ARHGEF7: variants seen among roughly 807,000 people sequenced by gnomAD.
ARHGEF7 encodes PAK-interacting exchange factor beta.
Under a neutral mutation model 109.8 loss-of-function variants are expected in ARHGEF7, and 33 were observed. The ratio of observed to expected loss-of-function variants is 0.30; its 90% CI spans 0.23 to 0.40. The LOEUF is 0.40. Ranked by LOEUF, ARHGEF7 falls within the 10% of genes least tolerant of loss-of-function variation. ARHGEF7 has a pLI of 1.00. For synonymous variants in ARHGEF7, 458 were observed against 424.6 expected, an observed-to-expected ratio of 1.08 and a Z score of -0.97; for missense variants, 938 against 1,098.5, an observed-to-expected ratio of 0.85 and a Z score of 2.07.
intron 2 of ARHGEF7, chr13:111,203,078 T>C: frequency 7.8e-7 from 1 of 1,281,980 alleles, no homozygotes. Context: ...CACATCCTGT[T>C]ATTCTGGGTT....
chr13:111,238,878 C>G (rs1367927243), intron 6 of ARHGEF7, among the ~76,000 whole-genome samples: 1 of 152,122 alleles, frequency 6.6e-6, no homozygotes, highest in Admixed American at 6.5e-5. Flanking sequence ...TTAGTCCGTT[C>G]TCACGCTGCT....
In ARHGEF7 at chr13:111,292,183, T is replaced by C; in HGVS notation, c.2200T>C (p.Ser734Pro). The change falls in exon 19 of 22, where the codon TCC (serine) becomes CCC (proline). Residue 734 changes from serine (S) to proline (P), a missense_variant. By Grantham distance (74) the Ser-to-Pro change is moderately conservative. Around this residue, in one of 4 missense-constraint regions of ARHGEF7, gnomAD observed 166 missense variants for 167.3 expected, o/e 0.99. Transcript: ENST00000646102. ...TGATGATGACCAACCAAGCCTAGAC[T>C]CCCTGGGGCGTCGCAGTAGCCTTTC... is the stretch of plus-strand genomic sequence containing the variant. Reference protein sequence around the residue: ...LADDDQPSLDSLGRRSSLSRL... With the variant: ...LADDDQPSLDPLGRRSSLSRL... 1 of 1,613,938 alleles carries C rather than the reference T, an allele frequency of 6.2e-7. No homozygotes were observed. Among genetic ancestry groups the C allele is most frequent in the South Asian group, 1.1e-5 (1 of 91,048 alleles).
intron 12 of ARHGEF7, among the ~76,000 whole-genome samples, chr13:111,276,681 C>T (rs1163056787): frequency 6.6e-6 from 1 of 152,154 alleles, no homozygotes; most frequent in Non-Finnish European, 1.5e-5. Context: ...TGAATGTTCC[C>T]AATGTATGTT....
chr13:111,147,573 A>G (rs1170937589), intron 1 of ARHGEF7, among the ~76,000 whole-genome samples: 1 of 151,760 alleles, frequency 6.6e-6, no homozygotes, highest in Non-Finnish European at 1.5e-5. Flanking sequence ...AGCTTCACCC[A>G]TGATCTCAGC....
At chr13:111,291,790 A>G (rs2093293855) in intron 18 of ARHGEF7, among the ~76,000 whole-genome samples, 2 of 152,244 alleles carry the variant, frequency 1.3e-5, no homozygotes, top group Admixed American at 1.3e-4. Flanking sequence ...TCTTTTGGAC[A>G]TGGGTGTGAT....
Position 111,209,882 on chromosome 13 carries a change from G to A in ARHGEF7, c.348G>A (p.Leu116=), listed in dbSNP as rs2082292131. ...GCATGCTCTTTGCAGACATCGGGCT[G>A]GGGAGTGACTCCGTGTGTGCCCGGC... ...TLNKVTADIG[L]GSDSVCARPS... The change falls in exon 4 of 22, where the codon CTG becomes CTA. Residue 116 remains leucine, a synonymous_variant. Coordinates refer to ENST00000646102, the MANE Select transcript of ARHGEF7 (RefSeq NM_001354046.2). The A allele has an allele frequency of 6.2e-7, 1 of 1,614,150 alleles. No individual in the cohort carries two copies. Among genetic ancestry groups the A allele is most frequent in the Non-Finnish European group, 8.5e-7 (1 of 1,180,024 alleles).
At chr13:111,115,716 C>T in intron 1 of ARHGEF7, 25 bp downstream of exon 1, 2 of 1,133,586 alleles carry the variant, frequency 1.8e-6, no homozygotes, top group Non-Finnish European at 2.2e-6. Flanking sequence ...GCGCCCCCGC[C>T]CGCGCCCCCC....
chr13:111,152,496 G>A (rs1294443631), intron 1 of ARHGEF7, among the ~76,000 whole-genome samples: 2 of 152,206 alleles, frequency 1.3e-5, no homozygotes, highest in African/African-American at 4.8e-5. Flanking sequence ...CTTGCTTGAA[G>A]GAATTTTTCA....
At chr13:111,170,876 A>G (rs2077538031) in intron 2 of ARHGEF7, among the ~76,000 whole-genome samples, 1 of 152,240 alleles carries the variant, frequency 6.6e-6, no homozygotes, top group East Asian at 1.9e-4. Context: ...CAGATAACAG[A>G]TAATCAGTCT....
At chr13:111,247,440 T>C (rs1382995606) in intron 8 of ARHGEF7, among the ~76,000 whole-genome samples, 1 of 152,076 alleles carries the variant, frequency 6.6e-6, no homozygotes, top group African/African-American at 2.4e-5. Flanking sequence ...AGCTAATTTT[T>C]ATGTATTTTT....
chr13:111,159,106 T>C (rs1251605757), intron 2 of ARHGEF7: 3 of 717,950 alleles, frequency 4.2e-6, no homozygotes, highest in Admixed American at 2.0e-5. Flanking sequence ...TCAGCTTTTT[T>C]ACACTTTACA....
intron 2 of ARHGEF7, among the ~76,000 whole-genome samples, chr13:111,164,603 C>T (rs1297691997): frequency 6.6e-6 from 1 of 152,234 alleles, no homozygotes; most frequent in Non-Finnish European, 1.5e-5. Flanking sequence ...AGTACTTGGT[C>T]TAGCCTGCTG....
At chr13:111,193,238 C>T (rs1010084273) in intron 2 of ARHGEF7, among the ~76,000 whole-genome samples, 3 of 152,312 alleles carry the variant, frequency 2.0e-5, no homozygotes, top group South Asian at 4.1e-4. Flanking sequence ...GTGAAAGTCC[C>T]CATTCTGTTT....
At chr13:111,185,766 A>G (rs867338905) in intron 2 of ARHGEF7, among the ~76,000 whole-genome samples, 8 of 151,826 alleles carry the variant, frequency 5.3e-5, no homozygotes, top group Non-Finnish European at 1.0e-4. Context: ...GTGTGTGTGT[A>G]CGTGGTGAGT....
chr13:111,168,461 C>T (rs1332792743), intron 2 of ARHGEF7, among the ~76,000 whole-genome samples: 1 of 152,142 alleles, frequency 6.6e-6, no homozygotes, highest in African/African-American at 2.4e-5. Context: ...ACTTTTCCTT[C>T]CATGTCTTTA....
At chr13:111,174,872 T>C (rs897622142) in intron 2 of ARHGEF7, among the ~76,000 whole-genome samples, 4 of 152,222 alleles carry the variant, frequency 2.6e-5, no homozygotes, top group African/African-American at 9.7e-5. Flanking sequence ...TAGAAGTTGC[T>C]GACAGTCCTC....
chr13:111,153,935 T>C lies in ARHGEF7; in HGVS notation c.196T>C (p.Cys66Arg), dbSNP rs1231025245. 1 of 1,605,350 alleles carries C rather than the reference T, an allele frequency of 6.2e-7. No individual in the cohort carries two copies. The highest frequency in any genetic ancestry group is 8.5e-7 in the Non-Finnish European group (1 of 1,177,270). The part of the protein sequence containing the change: ...VYPEPRSESE[C>R]LSNIREFLRG... ...CCCCGAGCCCCGGAGCGAGAGCGAG[T>C]GCCTGAGCAACATCCGCGAGTTCCT... The change falls in exon 2 of 22, where the codon TGC becomes CGC. Residue 66 changes from cysteine to arginine, a missense_variant. Cys to Arg is a radical substitution (Grantham distance 180). This residue lies in a region of ARHGEF7 where 165 missense variants were observed against 125.8 expected (regional missense o/e 1.31). Transcript: ENST00000646102.
chr13:111,283,491 G>C, intron 16 of ARHGEF7, 128 bp downstream of exon 16: 3 of 1,412,316 alleles, frequency 2.1e-6, no homozygotes, highest in Non-Finnish European at 2.8e-6. Context: ...TGAGAAGGGG[G>C]GGTCTGCCTT....
chr13:111,202,956 C>T (rs1044816508), intron 2 of ARHGEF7: 1 of 570,964 alleles, frequency 1.8e-6, no homozygotes, highest in Non-Finnish European at 2.6e-6. Context: ...CACTTAAACT[C>T]TGATGTCATA....
Sources: gnomAD v4.1 joint callset for allele counts (sites outside exome capture counted in the v4.1 genomes callset) on GRCh38, gnomAD v4.1.1 for gene constraint, gnomAD v4.1.1 regional missense constraint, MANE v1.5 for transcripts, NCBI Gene and HGNC (gene_info 2026-07-23, HGNC 2026-07-21) for gene names.